Variants in DENND5B observed in about 807,000 individuals in gnomAD.
DENND5B encodes the protein DENN domain-containing protein 5B.
Under a neutral mutation model 140.6 loss-of-function variants are expected in DENND5B, and 34 were observed. That is an observed-to-expected ratio of 0.24 (90% CI 0.18 to 0.32). The LOEUF is 0.32. Ranked by LOEUF, DENND5B falls within the 10% of genes least tolerant of loss-of-function variation. The pLI is 1.00. For missense variants in DENND5B, 1,142 were observed against 1,560.2 expected (o/e 0.73, Z 4.52); for synonymous variants, 551 against 562.1 (o/e 0.98, Z 0.28).
At chr12:31,448,439 G>A (rs1427068355) in intron 5 of DENND5B, among the ~76,000 whole-genome samples, 1 of 152,118 alleles carries the variant, frequency 6.6e-6, no homozygotes, top group African/African-American at 2.4e-5. Context: ...CCAGCTACAA[G>A]TTGTAATTCC....
At chr12:31,445,239 C>T (rs1944226073) in intron 6 of DENND5B, among the ~76,000 whole-genome samples, 1 of 152,168 alleles carries the variant, frequency 6.6e-6, no homozygotes, top group Non-Finnish European at 1.5e-5. Flanking sequence ...ATAGTTCTTT[C>T]TTGAATGAAC....
intron 17 of DENND5B, among the ~76,000 whole-genome samples, chr12:31,396,053 C>CCTGTTTTTTTTTTTTTTTTTTTTT (rs1399702795): frequency 9.7e-6 from 1 of 102,842 alleles, no homozygotes. Flanking sequence ...GTTGGCATTC[C>CCTGTTTTTTTTTTTTTTTTTTTTT]TTGTTTTTTT....
At chr12:31,545,109 C>A (rs902733421) in intron 1 of DENND5B, among the ~76,000 whole-genome samples, 8 of 152,064 alleles carry the variant, frequency 5.3e-5, no homozygotes, top group Non-Finnish European at 1.2e-4. Flanking sequence ...CTTATCAGAG[C>A]CAGAGCCTAC....
chr12:31,473,271 G>C (rs979967658), intron 3 of DENND5B, among the ~76,000 whole-genome samples: 2 of 152,176 alleles, frequency 1.3e-5, no homozygotes, highest in Admixed American at 1.3e-4. Context: ...GCTACAATTA[G>C]AATGATAATA....
intron 1 of DENND5B, among the ~76,000 whole-genome samples, chr12:31,515,015 C>A (rs995506260): frequency 5.9e-5 from 9 of 152,068 alleles, no homozygotes; most frequent in Non-Finnish European, 1.3e-4. Flanking sequence ...CCTAGCTACT[C>A]AAGGGACTGA....
At chr12:31,560,617 A>C (rs1347177310) in intron 1 of DENND5B, among the ~76,000 whole-genome samples, 1 of 152,134 alleles carries the variant, frequency 6.6e-6, no homozygotes, top group Non-Finnish European at 1.5e-5. Flanking sequence ...AGGTCTCTCT[A>C]CCCTGTTCAA....
intron 3 of DENND5B, among the ~76,000 whole-genome samples, chr12:31,473,642 C>T (rs768901638): frequency 1.2e-4 from 19 of 152,132 alleles, no homozygotes; most frequent in Admixed American, 2.0e-4. Flanking sequence ...ACAGACTTTC[C>T]ATTTCAGAGG....
chr12:31,447,164 G>GGGAGGC (rs896847700), intron 6 of DENND5B, among the ~76,000 whole-genome samples: 4 of 151,838 alleles, frequency 2.6e-5, no homozygotes, highest in African/African-American at 9.7e-5. Context: ...CCAGCTAATT[G>GGGAGGC]GGAGGCAGAG....
intron 1 of DENND5B, among the ~76,000 whole-genome samples, chr12:31,531,591 T>C (rs114902489): frequency 1.3e-5 from 2 of 152,326 alleles, no homozygotes; most frequent in African/African-American, 4.8e-5. Flanking sequence ...GTAAGCACTA[T>C]AGGTTTACTT....
intron 1 of DENND5B, chr12:31,535,064 ACT>A (rs1383413939): frequency 1.0e-4 from 19 of 188,072 alleles, no homozygotes; most frequent in Non-Finnish European, 1.6e-4. Flanking sequence ...ACAGAGCAAG[ACT>A]CTGTCTCAAA....
chr12:31,402,070 C>CAAA (rs147304148), intron 15 of DENND5B, among the ~76,000 whole-genome samples: 6 of 119,830 alleles, frequency 5.0e-5, no homozygotes, highest in South Asian at 2.8e-4. Flanking sequence ...GATTCCGTCT[C>CAAA]AAAAAAAAAA....
intron 3 of DENND5B, among the ~76,000 whole-genome samples, chr12:31,462,409 C>G (rs1277328935): frequency 6.6e-6 from 1 of 151,946 alleles, no homozygotes; most frequent in African/African-American, 2.4e-5. Context: ...GCTGGATGGC[C>G]CCTAGAAGTA....
intron 1 of DENND5B, among the ~76,000 whole-genome samples, chr12:31,563,215 T>C (rs1270774092): frequency 1.3e-5 from 2 of 152,202 alleles, no homozygotes; most frequent in African/African-American, 2.4e-5. Flanking sequence ...AGACTGGACT[T>C]AAACATGAAA....
intron 1 of DENND5B, among the ~76,000 whole-genome samples, chr12:31,554,683 T>C (rs1411825025): frequency 1.3e-5 from 2 of 152,352 alleles, no homozygotes; most frequent in East Asian, 3.9e-4. Context: ...TCCCCGTCAC[T>C]TTCAGGTACA....
At chr12:31,540,483 G>A (rs748692269) in intron 1 of DENND5B, among the ~76,000 whole-genome samples, 7 of 151,986 alleles carry the variant, frequency 4.6e-5, no homozygotes, top group African/African-American at 9.7e-5. Context: ...GTAAGACATC[G>A]TCTCTACTAA....
chr12:31,562,719 AATAG>A (rs769226970), intron 1 of DENND5B, among the ~76,000 whole-genome samples: 49 of 152,338 alleles, frequency 3.2e-4, no homozygotes, highest in Non-Finnish European at 6.3e-4. Flanking sequence ...GAAAGCAAAT[AATAG>A]ATAATGAAAG....
At chr12:31,508,326 A>C (rs563112040) in intron 1 of DENND5B, among the ~76,000 whole-genome samples, 5 of 152,302 alleles carry the variant, frequency 3.3e-5, no homozygotes, top group African/African-American at 1.2e-4. Flanking sequence ...AAACACAAGG[A>C]ACTCAGTTAA....
chr12:31,524,324 A>C (rs1150953), intron 1 of DENND5B, among the ~76,000 whole-genome samples: 120,997 of 152,102 alleles, frequency 0.8, 48,560 homozygotes, highest in African/African-American at 0.89. Context: ...AGAGTCCTGG[A>C]AGCTCCTGTT....
chr12:31,520,036 C>CA (rs1000293623), intron 1 of DENND5B, among the ~76,000 whole-genome samples: 3 of 151,956 alleles, frequency 2.0e-5, no homozygotes, highest in African/African-American at 7.3e-5. Context: ...TGGAACATGG[C>CA]AAAAAAATTT....
Sources: gnomAD v4.1 joint callset for allele counts (sites outside exome capture counted in the v4.1 genomes callset) on GRCh38, gnomAD v4.1.1 for gene constraint, MANE v1.5 for transcripts, NCBI Gene and HGNC (gene_info 2026-07-23, HGNC 2026-07-21) for gene names.